The following HABP2 variants were observed in gnomAD, a reference collection of about 807,000 sequenced individuals.
HABP2 encodes the protein factor VII-activating protease.
Under a neutral mutation model 66.5 loss-of-function variants are expected in HABP2, and 65 were observed. That is an observed-to-expected ratio of 0.98 (90% CI 0.80 to 1.20). HABP2 has a LOEUF of 1.20. Among genes scored for constraint, HABP2 ranks in the 50% most tolerant of loss-of-function variants. The pLI is 0.00. For missense variants in HABP2, 786 were observed against 691.0 expected (o/e 1.14, Z -1.54); for synonymous variants, 263 against 253.9 (o/e 1.04, Z -0.34).
chr10:113,567,269 C>A (rs1845215057), intron 1 of HABP2, among the ~76,000 whole-genome samples: 1 of 152,130 alleles, frequency 6.6e-6, no homozygotes. Context: ...TGGAGAAGGA[C>A]AATGCTTCAG....
chr10:113,571,210 A>G (rs1015827913), intron 2 of HABP2, among the ~76,000 whole-genome samples: 3 of 152,204 alleles, frequency 2.0e-5, no homozygotes, highest in Non-Finnish European at 1.5e-5. Flanking sequence ...CATCGGGCTC[A>G]GTTGATCTTG....
In HABP2 at chr10:113,581,952, G is replaced by A; in HGVS notation, c.915G>A (p.Glu305=). Residue 305 remains glutamate, a synonymous_variant, in exon 9 of 13, where the codon GAG becomes GAA. Transcript: ENST00000351270. ...LPGFDSCGKT[E]IAERKIKRIY... Reference sequence around the variant, plus strand: ...GGTTTGACTCCTGTGGAAAGACTGAGATAGCAGAGAGGAAGATCAAGAGAA... The same window carrying A: ...GGTTTGACTCCTGTGGAAAGACTGAAATAGCAGAGAGGAAGATCAAGAGAA... 6.2e-7 allele frequency: 1 copy of A among 1,614,212 alleles called. No homozygotes were observed. Among genetic ancestry groups the A allele is most frequent in the Non-Finnish European group, 8.5e-7 (1 of 1,180,006 alleles).
intron 1 of HABP2, among the ~76,000 whole-genome samples, chr10:113,565,215 A>G (rs1194993970): frequency 3.3e-5 from 5 of 152,258 alleles, no homozygotes; most frequent in Admixed American, 2.0e-4. Flanking sequence ...GAAAGTCAAC[A>G]TTGACACAAT....
chr10:113,575,156 T>G (rs1043809682), intron 3 of HABP2, among the ~76,000 whole-genome samples: 3 of 152,144 alleles, frequency 2.0e-5, no homozygotes, highest in African/African-American at 7.2e-5. Flanking sequence ...AGGGCCAAGA[T>G]ACAGGGCATG....
chr10:113,551,606 G>T (rs1233570154), upstream of HABP2, among the ~76,000 whole-genome samples: 1 of 152,100 alleles, frequency 6.6e-6, no homozygotes, highest in African/African-American at 2.4e-5. Context: ...AGGAGTTTGA[G>T]ACCAGCCTGG....
At chr10:113,584,008 A>G (rs550444010) in intron 10 of HABP2, 140 bp from the exon 11 acceptor site, 13 of 644,570 alleles carry the variant, frequency 2.0e-5, no homozygotes, top group Non-Finnish European at 3.3e-5. Flanking sequence ...AAAATATGAA[A>G]TGACCACGGA....
At chr10:113,572,877 T>G (rs779793778) in intron 2 of HABP2, 2 of 253,396 alleles carry the variant, frequency 7.9e-6, no homozygotes, top group African/African-American at 2.3e-5. Flanking sequence ...AAAAAAGAAA[T>G]AAAAAGCTAG....
In HABP2 at chr10:113,584,115, TC is replaced by T. The variant is rs566526899; in HGVS notation, c.1238-32del. 3,979 of 1,606,134 alleles carry T rather than the reference TC, an allele frequency of 2.5e-3. 5 individuals are homozygous for T. Among genetic ancestry groups the T allele is most frequent in the Non-Finnish European group, 3.1e-3 (3,603 of 1,173,710 alleles). On this transcript the variant is annotated intron_variant, in intron 10 of 12. Coordinates refer to ENST00000351270, the MANE Select transcript of HABP2 (RefSeq NM_004132.5). ...GTGCTTCTCTGACAAAGAGGTGACA[TC>T]GCATCCATTTTCTACCTCTCTCTCC...
intron 12 of HABP2, among the ~76,000 whole-genome samples, chr10:113,587,724 TG>T (rs980741082): frequency 6.6e-5 from 10 of 152,060 alleles, no homozygotes; most frequent in Non-Finnish European, 1.0e-4. Context: ...ACAAGAACCC[TG>T]GGGGATGGGG....
chr10:113,578,060 T>C lies in HABP2; in HGVS notation c.483T>C (p.Asn161=). 6.2e-7 allele frequency: 1 copy of C among 1,614,188 alleles called. No individual in the cohort carries two copies. Among genetic ancestry groups the C allele is most frequent in the African/African-American group, 1.3e-5 (1 of 75,056 alleles). ...VPVCRPNPCQ[N]GATCSRHKRR... ...TATGCAGGCCAAACCCCTGCCAGAA[T>C]GGGGCTACCTGCTCCCGGCATAAGC... The change falls in exon 6 of 13, where the codon AAT becomes AAC. Residue 161 remains asparagine (N), a synonymous_variant. Coordinates refer to ENST00000351270, the MANE Select transcript of HABP2 (RefSeq NM_004132.5).
At chr10:113,584,736 A>G (rs991527816) in intron 11 of HABP2, among the ~76,000 whole-genome samples, 3 of 152,230 alleles carry the variant, frequency 2.0e-5, no homozygotes, top group Non-Finnish European at 4.4e-5. Context: ...AGAGACATTC[A>G]TTAAGTCAGC....
rs1845811738 is a variant in HABP2, at chr10:113,589,519, G to A, written c.*1150G>A. ...ATCTGCCTGGTCATCTCAGACCCAT[G>A]AAATTAGGCGCCTTGTTTGAGCTGC... On this transcript the variant is annotated 3_prime_UTR_variant, in exon 13 of 13. Coordinates refer to ENST00000351270, the MANE Select transcript of HABP2 (RefSeq NM_004132.5). The A allele has an allele frequency of 1.1e-6, 1 of 925,900 alleles. No homozygotes were observed. The highest frequency in any genetic ancestry group is 1.6e-6 in the Non-Finnish European group (1 of 618,922). The allele number at this position is 925,900 out of a possible 1,614,324, so 57.4% of individuals were successfully genotyped here.
intron 5 of HABP2, 32 bp from the exon 6 acceptor site, chr10:113,577,994 G>A (rs143527420): frequency 6.2e-7 from 1 of 1,610,364 alleles, no homozygotes; most frequent in South Asian, 1.1e-5. Flanking sequence ...TCCTTCTGAA[G>A]AGCCTTCCTG....
chr10:113,568,699 C>A (rs2133758648), intron 2 of HABP2, among the ~76,000 whole-genome samples: 1 of 152,314 alleles, frequency 6.6e-6, no homozygotes, highest in Non-Finnish European at 1.5e-5. Context: ...GAGCCAAGAC[C>A]AAGGGGCTGG....
chr10:113,584,764 C>A (rs1312240888), intron 11 of HABP2, among the ~76,000 whole-genome samples: 1 of 152,184 alleles, frequency 6.6e-6, no homozygotes, highest in Non-Finnish European at 1.5e-5. Flanking sequence ...AGATGGGGGT[C>A]AGGTCCCATT....
chr10:113,568,038 C>T (rs1359518481), intron 2 of HABP2, among the ~76,000 whole-genome samples: 2 of 152,264 alleles, frequency 1.3e-5, no homozygotes, highest in Non-Finnish European at 2.9e-5. Context: ...CTCGACGCGT[C>T]TACCACCAGG....
At chr10:113,568,529 T>C (rs1042646280) in intron 2 of HABP2, among the ~76,000 whole-genome samples, 1 of 152,176 alleles carries the variant, frequency 6.6e-6, no homozygotes, top group African/African-American at 2.4e-5. Context: ...AAGAGAAATA[T>C]ATATTGGCAT....
At chr10:113,571,598 TGG>T (rs1179792722) in intron 2 of HABP2, among the ~76,000 whole-genome samples, 1 of 152,036 alleles carries the variant, frequency 6.6e-6, no homozygotes, top group East Asian at 1.9e-4. Context: ...GCAAAGGGTG[TGG>T]GTGCAGGGAG....
intron 3 of HABP2, 26 bp downstream of exon 3, chr10:113,574,431 C>A: frequency 1.7e-6 from 2 of 1,142,870 alleles, no homozygotes; most frequent in Non-Finnish European, 2.7e-6. Context: ...CTTTCAGGGA[C>A]TCTCCTGGGA....
Sources: allele counts gnomAD v4.1 joint callset (sites outside exome capture counted in the v4.1 genomes callset), GRCh38; gene constraint gnomAD v4.1.1; transcripts MANE v1.5; gene names NCBI Gene and HGNC (gene_info 2026-07-23, HGNC 2026-07-21).